Variants in HCN1 observed in about 807,000 individuals in gnomAD.
The protein encoded by HCN1 is hyperpolarization activated cyclic nucleotide gated potassium channel 1, also known as potassium/sodium hyperpolarization-activated cyclic nucleotide-gated channel 1.
A neutral mutation model predicts 78.9 loss-of-function variants in HCN1; 13 were observed. The ratio of observed to expected loss-of-function variants is 0.16; its 90% CI spans 0.11 to 0.26. The LOEUF (loss-of-function observed/expected upper bound fraction) is 0.26, where lower values mean the gene tolerates loss of function less well. HCN1 is among the 10% of genes least tolerant of loss of function. HCN1 has a pLI of 1.00. For synonymous variants in HCN1, 552 were observed against 455.5 expected, an observed-to-expected ratio of 1.21 and a Z score of -2.70; for missense variants, 810 against 1,154.3, an observed-to-expected ratio of 0.70 and a Z score of 4.32.
At chr5:45,390,977 C>T (rs1016001871) in intron 4 of HCN1, among the ~76,000 whole-genome samples, 1 of 152,052 alleles carries the variant, frequency 6.6e-6, no homozygotes, top group Non-Finnish European at 1.5e-5. Flanking sequence ...GGTTCCCAGC[C>T]CTAGGATCTC....
chr5:45,324,751 A>AT (rs1457063588), intron 5 of HCN1, among the ~76,000 whole-genome samples: 1 of 151,836 alleles, frequency 6.6e-6, no homozygotes, highest in Non-Finnish European at 1.5e-5. Flanking sequence ...GCCAAAGTTA[A>AT]TTTTGAGAAA....
chr5:45,372,043 TTA>T lies in HCN1; in HGVS notation c.1231-18799_1231-18798del, dbSNP rs1462046698. Among the ~76,000 whole-genome samples the T allele has an allele frequency of 3.8e-3, 221 of 57,662 alleles. 1 individual carries two copies. The highest frequency in any genetic ancestry group is 8.1e-3 in the Admixed American group (24 of 2,960). 37.8% of individuals were successfully genotyped at this position (57,662 alleles called of 152,430 possible). On this transcript the variant is annotated intron_variant, in intron 4 of 7. Transcript: ENST00000303230. The stretch of plus-strand genomic sequence containing the variant: ...TATATATAATATAATTATATATATA[TTA>T]TATATATAATATAATTATATTATAT...
At chr5:45,483,675 T>C (rs964084974) in intron 2 of HCN1, among the ~76,000 whole-genome samples, 3 of 152,188 alleles carry the variant, frequency 2.0e-5, no homozygotes, top group African/African-American at 4.8e-5. Flanking sequence ...TTTGGGGGCT[T>C]AGCCAAAGAT....
chr5:45,346,550 G>A (rs1357709344), intron 5 of HCN1, among the ~76,000 whole-genome samples: 1 of 152,182 alleles, frequency 6.6e-6, no homozygotes, highest in Non-Finnish European at 1.5e-5. Flanking sequence ...GCGAGCTGAA[G>A]CAGGGCGAGG....
chr5:45,630,536 T>C (rs1042382638), intron 2 of HCN1, among the ~76,000 whole-genome samples: 5 of 152,224 alleles, frequency 3.3e-5, no homozygotes, highest in Non-Finnish European at 7.3e-5. Flanking sequence ...AGATTTCTTA[T>C]TGTCCTCAGG....
At chr5:45,431,340 C>T (rs1740459530) in intron 3 of HCN1, among the ~76,000 whole-genome samples, 1 of 151,876 alleles carries the variant, frequency 6.6e-6, no homozygotes, top group Admixed American at 6.6e-5. Context: ...GGATATTAGA[C>T]TTTGATGCAT....
intron 2 of HCN1, among the ~76,000 whole-genome samples, chr5:45,467,484 G>A (rs886675056): frequency 7.2e-5 from 11 of 151,854 alleles, no homozygotes; most frequent in African/African-American, 1.2e-4. Context: ...CTTTTCCACT[G>A]CATTTTCTCT....
chr5:45,427,325 T>C (rs981748244), intron 3 of HCN1, among the ~76,000 whole-genome samples: 2 of 152,084 alleles, frequency 1.3e-5, no homozygotes, highest in Non-Finnish European at 2.9e-5. Flanking sequence ...GTTCCCAGAA[T>C]GTAGTACACT....
intron 6 of HCN1, among the ~76,000 whole-genome samples, chr5:45,271,371 C>T (rs1170326180): frequency 1.3e-5 from 2 of 150,530 alleles, no homozygotes; most frequent in African/African-American, 2.4e-5. Flanking sequence ...CACACACACA[C>T]ACACACACAC....
In HCN1 at chr5:45,696,004, C is replaced by T. The variant is rs1290982240; in HGVS notation, c.90G>A (p.Ala30=). The part of the protein sequence containing the change: ...VFPAKASATG[A]GPAAAEKRLG... Reference sequence around the variant, plus strand: ...GGCGCTTCTCGGCCGCGGCCGGCCCCGCGCCCGTCGCGGACGCCTTGGCGG... The same window carrying T: ...GGCGCTTCTCGGCCGCGGCCGGCCCTGCGCCCGTCGCGGACGCCTTGGCGG... Residue 30 remains alanine (A), a synonymous_variant, in exon 1 of 8, where the codon GCG becomes GCA. Transcript: ENST00000303230. 2 of 1,299,544 alleles carry T rather than the reference C, an allele frequency of 1.5e-6. No homozygotes were observed. The highest frequency in any genetic ancestry group is 2.0e-6 in the Non-Finnish European group (2 of 1,018,434). The allele number at this position is 1,299,544 out of a possible 1,614,324, so 80.5% of individuals were successfully genotyped here.
chr5:45,395,038 G>A (rs1739661268), intron 4 of HCN1, among the ~76,000 whole-genome samples: 1 of 151,944 alleles, frequency 6.6e-6, no homozygotes, highest in Non-Finnish European at 1.5e-5. Context: ...GGCTAATACA[G>A]GAAATTTAAA....
chr5:45,526,553 C>T (rs924667572), intron 2 of HCN1, among the ~76,000 whole-genome samples: 1 of 152,106 alleles, frequency 6.6e-6, no homozygotes, highest in Non-Finnish European at 1.5e-5. Context: ...TCTGTGCCTA[C>T]TGACCCAGCC....
At chr5:45,447,632 A>G (rs1740826637) in intron 3 of HCN1, among the ~76,000 whole-genome samples, 1 of 152,144 alleles carries the variant, frequency 6.6e-6, no homozygotes, top group African/African-American at 2.4e-5. Context: ...TGTTGATCTC[A>G]ATTTATCAAT....
intron 4 of HCN1, among the ~76,000 whole-genome samples, chr5:45,363,264 C>T (rs1747162320): frequency 6.6e-6 from 1 of 150,602 alleles, no homozygotes; most frequent in African/African-American, 2.4e-5. Context: ...TCAACTGTAC[C>T]AATGGTGGAA....
intron 2 of HCN1, among the ~76,000 whole-genome samples, chr5:45,511,509 C>A (rs1561183384): frequency 1.3e-5 from 2 of 151,808 alleles, no homozygotes; most frequent in Non-Finnish European, 2.9e-5. Context: ...GAGAATGTAC[C>A]CTTGATATGA....
chr5:45,584,109 G>C (rs1744148655), intron 2 of HCN1, among the ~76,000 whole-genome samples: 1 of 152,112 alleles, frequency 6.6e-6, no homozygotes, highest in South Asian at 2.1e-4. Context: ...TCGTTGATCT[G>C]TTTAATGTTG....
chr5:45,262,014 G>T lies in HCN1; in HGVS notation c.2580C>A (p.Pro860=). 1 of 1,614,104 alleles carries T rather than the reference G, an allele frequency of 6.2e-7. No homozygotes were observed. The highest frequency in any genetic ancestry group is 1.3e-5 in the African/African-American group (1 of 75,048). The change falls in exon 8 of 8, where the codon CCC becomes CCA. Residue 860 remains proline, a synonymous_variant. Coordinates refer to ENST00000303230, the MANE Select transcript of HCN1 (RefSeq NM_021072.4). ...IPPNRGVPPA[P]PPPAAALPRE... Reference sequence around the variant, plus strand: ...TTGGAAGAGCAGCTGCTGGTGGAGGGGGTGCTGGAGGGACTCCTCGGTTCG... The same window carrying T: ...TTGGAAGAGCAGCTGCTGGTGGAGGTGGTGCTGGAGGGACTCCTCGGTTCG...
intron 2 of HCN1, among the ~76,000 whole-genome samples, chr5:45,580,336 C>T (rs1422616528): frequency 6.6e-6 from 1 of 151,922 alleles, no homozygotes; most frequent in Non-Finnish European, 1.5e-5. Context: ...CAGAGTGATT[C>T]AAAGTGAGGA....
At chr5:45,407,031 C>A (rs757723967) in intron 3 of HCN1, among the ~76,000 whole-genome samples, 11 of 152,152 alleles carry the variant, frequency 7.2e-5, no homozygotes, top group Non-Finnish European at 1.5e-4. Flanking sequence ...AGGCTCAGCA[C>A]TCCAGAGTAT....
Sources: allele counts gnomAD v4.1 joint callset (sites outside exome capture counted in the v4.1 genomes callset), GRCh38; gene constraint gnomAD v4.1.1; transcripts MANE v1.5; gene names NCBI Gene and HGNC (gene_info 2026-07-23, HGNC 2026-07-21).